Variants in POP1 observed in about 807,000 individuals in gnomAD.
POP1 encodes the protein POP1 ribonuclease P/MRP subunit.
A neutral mutation model predicts 102.2 loss-of-function variants in POP1; 75 were observed. The observed-to-expected ratio is 0.73, with a 90% CI of 0.61 to 0.89. The LOEUF is 0.89. Ranked by LOEUF, POP1 falls within the 40% of genes least tolerant of loss-of-function variation. The pLI is 0.00. For synonymous variants in POP1, 436 were observed against 464.1 expected, an observed-to-expected ratio of 0.94 and a Z score of 0.78; for missense variants, 1,116 against 1,267.4, an observed-to-expected ratio of 0.88 and a Z score of 1.81.
chr8:98,126,716 G>A (rs944571074), intron 2 of POP1, among the ~76,000 whole-genome samples: 15 of 152,142 alleles, frequency 9.9e-5, no homozygotes, highest in African/African-American at 3.4e-4. Context: ...CTTTCTGATG[G>A]TTCAAGTATA....
intron 8 of POP1, 45 bp from the exon 9 acceptor site, chr8:98,136,813 ATGT>A (rs1301004897): frequency 6.2e-7 from 1 of 1,606,838 alleles, no homozygotes; most frequent in African/African-American, 1.3e-5. Context: ...AGTGGCACAG[ATGT>A]TGTGTGATGA....
At chr8:98,141,828 A>G (rs28541413) in intron 11 of POP1, among the ~76,000 whole-genome samples, 20,161 of 150,456 alleles carry the variant, frequency 0.13, 1,460 homozygotes, top group Middle Eastern at 0.27. Context: ...TCAGCCTCCC[A>G]AAGTGCTGGG....
At chr8:98,128,643 G>T (rs1479178184) in intron 4 of POP1, 103 bp downstream of exon 4, 19 of 1,320,824 alleles carry the variant, frequency 1.4e-5, no homozygotes, top group Non-Finnish European at 1.9e-5. Context: ...CCAAGGCTGG[G>T]CATGGTGGCT....
chr8:98,132,806 A>G (rs1332904329), intron 5 of POP1, among the ~76,000 whole-genome samples: 1 of 149,568 alleles, frequency 6.7e-6, no homozygotes, highest in Non-Finnish European at 1.5e-5. Context: ...ATGGCAGCTC[A>G]TGCTTAGAAT....
In POP1 at chr8:98,134,131, A is replaced by G. The variant is rs1240141420; in HGVS notation, c.823+95A>G. On this transcript the variant is annotated intron_variant, in intron 6 of 15. Transcript: ENST00000401707. Reference sequence around the variant, plus strand: ...ACTGTAAGCATTTTGGAATTCAAACATATAGAAAAGTGTGTGAGACACTAA... The same window carrying G: ...ACTGTAAGCATTTTGGAATTCAAACGTATAGAAAAGTGTGTGAGACACTAA... The G allele has an allele frequency of 6.2e-6, 6 of 961,868 alleles. No individual in the cohort carries two copies. The Admixed American group carries it at 7.4e-5, about 12-fold the overall frequency. 59.6% of individuals were successfully genotyped at this position (961,868 alleles called of 1,614,324 possible).
chr8:98,146,547 G>A (rs769310177), intron 11 of POP1, 21 bp from the exon 12 acceptor site: 6 of 1,551,416 alleles, frequency 3.9e-6, no homozygotes, highest in South Asian at 1.1e-5. Flanking sequence ...TGGTTTGAAG[G>A]CTATTTCTTT....
intron 11 of POP1, among the ~76,000 whole-genome samples, chr8:98,142,857 G>C (rs942327168): frequency 1.3e-5 from 2 of 152,200 alleles, no homozygotes; most frequent in Admixed American, 6.5e-5. Context: ...ATCTGCAGCA[G>C]ACTTGAGCAG....
intron 9 of POP1, among the ~76,000 whole-genome samples, chr8:98,138,341 C>T (rs1194827288): frequency 1.3e-5 from 2 of 152,156 alleles, no homozygotes; most frequent in African/African-American, 4.8e-5. Flanking sequence ...TTCAGCCACC[C>T]TGACCTTCTT....
intron 7 of POP1, 141 bp from the exon 8 acceptor site, chr8:98,136,341 G>A (rs1007685891): frequency 1.2e-6 from 1 of 856,424 alleles, no homozygotes; most frequent in Non-Finnish European, 1.7e-6. Flanking sequence ...CTCCCAAAGT[G>A]CTGGGATTAC....
intron 7 of POP1, among the ~76,000 whole-genome samples, chr8:98,135,787 T>C (rs1816519101): frequency 6.6e-6 from 1 of 152,068 alleles, no homozygotes; most frequent in Non-Finnish European, 1.5e-5. Flanking sequence ...CAGCCTCTAC[T>C]TCCCAGGCTC....
intron 11 of POP1, 43 bp from the exon 12 acceptor site, chr8:98,146,525 A>T (rs756880002): frequency 7.2e-7 from 1 of 1,391,354 alleles, no homozygotes; most frequent in African/African-American, 1.4e-5. Flanking sequence ...GACTTCATTG[A>T]TCTGAAGGAT....
chr8:98,136,361 C>A, intron 7 of POP1, 121 bp from the exon 8 acceptor site: 2 of 1,066,356 alleles, frequency 1.9e-6, no homozygotes, highest in South Asian at 1.6e-5. Flanking sequence ...CAGGTATGAG[C>A]CACCGTGCCT....
intron 11 of POP1, among the ~76,000 whole-genome samples, chr8:98,141,602 G>T (rs1172526108): frequency 1.4e-5 from 2 of 148,140 alleles, no homozygotes; most frequent in East Asian, 3.9e-4. Flanking sequence ...TGTCACCCAG[G>T]CTGGAGTGCA....
rs1816475783 is a variant in POP1, at chr8:98,134,573, A to G, written c.925A>G (p.Thr309Ala). 5 of 1,613,976 alleles carry G rather than the reference A, an allele frequency of 3.1e-6. No individual in the cohort carries two copies. The highest frequency in any genetic ancestry group is 4.2e-6 in the Non-Finnish European group (5 of 1,180,010). Residue 309 changes from threonine to alanine, a missense_variant, in exon 7 of 16, where the codon ACG becomes GCG. By Grantham distance (58) the Thr-to-Ala change is moderately conservative. Transcript: ENST00000401707. ...KYPREMLGPV[T>A]FIWKSQRTPG... ...TCCCAGAGAAATGCTTGGGCCTGTT[A>G]CGTTTATCTGGAAGTCCCAGAGGAC...
Position 98,130,176 on chromosome 8 carries a change from A to G in POP1, c.685A>G (p.Lys229Glu). The change falls in exon 5 of 16, where the codon AAG becomes GAG. Residue 229 changes from lysine (K) to glutamate (E), a missense_variant. By Grantham distance (56) the Lys-to-Glu change is moderately conservative. Transcript: ENST00000401707. ...CTGCCTTGGGGAGAGGCCAACAGTC[A>G]AGAGCCACAGAGCCTGCTATCGAGC... is the stretch of plus-strand genomic sequence containing the variant. ...GYCLGERPTVKSHRACYRAMT... is the reference protein window; with the variant it reads ...GYCLGERPTVESHRACYRAMT... 1 of 1,614,196 alleles carries G rather than the reference A, an allele frequency of 6.2e-7. No individual in the cohort carries two copies. Among genetic ancestry groups the G allele is most frequent in the Non-Finnish European group, 8.5e-7 (1 of 1,180,040 alleles).
chr8:98,153,086 C>T (rs1255718195), intron 14 of POP1, among the ~76,000 whole-genome samples: 1 of 152,210 alleles, frequency 6.6e-6, no homozygotes, highest in African/African-American at 2.4e-5. Context: ...CCTCCCATCT[C>T]AGCTTCCTGA....
At chr8:98,123,137 A>G (rs571798346) in intron 1 of POP1, among the ~76,000 whole-genome samples, 199 bp from the exon 2 acceptor site, 1 of 152,296 alleles carries the variant, frequency 6.6e-6, no homozygotes, top group African/African-American at 2.4e-5. Flanking sequence ...CTCATTTTTC[A>G]TTCTTCTAAC....
At position 98,158,435 on chromosome 8, in the gene POP1, C is replaced by A; in HGVS notation, c.*164C>A. On this transcript the variant is annotated 3_prime_UTR_variant, in exon 16 of 16. Transcript: ENST00000401707. ...AGATGATGAAATGTTTACATCATTC[C>A]AGTAATGTCATTGATTTTCATCTTT... The A allele has an allele frequency of 1.4e-6, 1 of 728,094 alleles. No homozygotes were observed. The highest frequency in any genetic ancestry group is 2.3e-6 in the Non-Finnish European group (1 of 441,102). The allele number at this position is 728,094 out of a possible 1,614,324, so 45.1% of individuals were successfully genotyped here.
chr8:98,123,030 T>C (rs150317902), intron 1 of POP1, among the ~76,000 whole-genome samples: 2 of 152,348 alleles, frequency 1.3e-5, no homozygotes, highest in East Asian at 3.9e-4. Context: ...GAATAGGGTG[T>C]TCTGTATTTC....
Sources: allele counts gnomAD v4.1 joint callset (sites outside exome capture counted in the v4.1 genomes callset), GRCh38; gene constraint gnomAD v4.1.1; transcripts MANE v1.5; gene names NCBI Gene and HGNC (gene_info 2026-07-23, HGNC 2026-07-21).